The following RPL10 variants were observed in gnomAD, a reference collection of about 807,000 sequenced individuals.
RPL10 encodes large ribosomal subunit protein uL16.
In RPL10, 1 loss-of-function variant was observed where a neutral mutation model predicts 15.7. That is an observed-to-expected ratio of 0.06 (90% CI 0.02 to 0.30). The LOEUF is 0.30. RPL10 is among the 10% of genes least tolerant of loss of function. The probability of loss-of-function intolerance (pLI) is 1.00; values close to 1 mark genes in which losing one functional copy is unlikely to be tolerated. For missense variants in RPL10, 54 were observed against 183.4 expected (o/e 0.29, Z 4.08); for synonymous variants, 59 against 64.0 (o/e 0.92, Z 0.37).
chrX:154,398,650 C>T lies in RPL10; in HGVS notation c.23+108C>T, dbSNP rs946583499. The T allele has an allele frequency of 8.0e-6, 8 of 1,002,129 alleles. No homozygotes were observed. In the African/African-American group the frequency reaches 1.1e-4, roughly 14 times the overall value. The allele number at this position is 1,002,129 out of a possible 1,213,427, so 82.6% of individuals were successfully genotyped here. A position where few individuals can be genotyped will look rare whatever the true frequency, so the allele number is the denominator to read the frequency against. ...GTGGAGCCTCCCCCGTGCGGCGGCC[C>T]TGTCTTGGGAACTGACCCTATGTTT... is the stretch of plus-strand genomic sequence containing the variant. On this transcript the variant is annotated intron_variant, in intron 2 of 6. Transcript: ENST00000369817.
At chrX:154,400,026 C>T (rs1569552276) in intron 5 of RPL10, 85 bp downstream of exon 5, 21 of 1,122,185 alleles carry the variant, frequency 1.9e-5, no homozygotes, top group Admixed American at 7.0e-5. Context: ...AGAGGTGGCC[C>T]CAGTGACTCA....
At chrX:154,398,804 A>C (rs11593) in intron 2 of RPL10, 80,755 of 431,664 alleles carry the variant, frequency 0.19, 11,309 homozygotes, top group African/African-American at 0.77. Context: ...TTCGGGCGCT[A>C]GATACGCTCT....
rs1603370401 is a variant in RPL10 at position 154,401,871 on chromosome X, C to T, written c.*1017C>T. ...ACCATAAATGTGATTATAGTTAACA[C>T]ATGACCCTTCTAGCGTCCCAGCCAG... On this transcript the variant is annotated 3_prime_UTR_variant, in exon 7 of 7. Coordinates refer to ENST00000369817, the MANE Select transcript of RPL10 (RefSeq NM_006013.5). 1 of 111,996 alleles carries T rather than the reference C, an allele frequency of 8.9e-6. No homozygotes were observed. Among genetic ancestry groups the T allele is most frequent in the East Asian group, 2.8e-4 (1 of 3,591 alleles). 9.2% of individuals were successfully genotyped at this position (111,996 alleles called of 1,213,427 possible).
chrX:154,400,357 T>C (rs781789965), intron 5 of RPL10, 107 bp from the exon 6 acceptor site: 1 of 859,482 alleles, frequency 1.2e-6, no homozygotes, highest in South Asian at 2.0e-5. Context: ...GCAGCTTCCT[T>C]GGTAGTGTAC....
intron 2 of RPL10, chrX:154,398,832 TTC>T (rs782753189): frequency 6.4e-4 from 260 of 408,997 alleles, no homozygotes; most frequent in Non-Finnish European, 7.7e-4. Context: ...TTTGTGTGCG[TTC>T]TCTGTCTTAT....
upstream of RPL10, chrX:154,398,238 C>T: frequency 2.0e-6 from 1 of 493,198 alleles, no homozygotes; most frequent in South Asian, 2.4e-5. Context: ...CTGGGCTACG[C>T]CCGGGCGCAA....
At chrX:154,400,270 C>G (rs2068001483) in intron 5 of RPL10, 194 bp from the exon 6 acceptor site, 2 of 588,287 alleles carry the variant, frequency 3.4e-6, no homozygotes, top group Non-Finnish European at 5.9e-6. Flanking sequence ...TTCAGTGGTT[C>G]TTGGGATGCT....
intron 5 of RPL10, 130 bp downstream of exon 5, chrX:154,400,071 G>A (rs2067996473): frequency 1.2e-6 from 1 of 806,153 alleles, no homozygotes; most frequent in Non-Finnish European, 1.9e-6. Flanking sequence ...AGGCTGGCAA[G>A]TGACTTTCAG....
At chrX:154,398,202 G>A (rs1557184723), upstream of RPL10, 2 of 456,427 alleles carry the variant, frequency 4.4e-6, no homozygotes, top group Non-Finnish European at 8.0e-6. Flanking sequence ...CCTGGTACCC[G>A]GTCACCTCTC....
chrX:154,400,184 C>A, intron 5 of RPL10: 1 of 551,595 alleles, frequency 1.8e-6, no homozygotes, highest in Non-Finnish European at 3.2e-6. Flanking sequence ...GGGAGTAGCT[C>A]TTCTTGCTTT....
At chrX:154,398,685 C>T (rs1004428870) in intron 2 of RPL10, 143 bp downstream of exon 2, 37 of 731,378 alleles carry the variant, frequency 5.1e-5, no homozygotes, top group Non-Finnish European at 6.9e-5. Context: ...TTACACCTCC[C>T]GGCTATTTTT....
Position 154,398,388 on chromosome X carries a change from C to T in RPL10, c.-30C>T, listed in dbSNP as rs782405806. ...AGGCGGAGGAGCGCCTCTTTCCCTT[C>T]GGTGTGGTGAGTAAGCGCAGTTGTC... On this transcript the variant is annotated 5_prime_UTR_variant, in exon 1 of 7. Coordinates refer to ENST00000369817, the MANE Select transcript of RPL10 (RefSeq NM_006013.5). The T allele has an allele frequency of 2.1e-5, 17 of 819,229 alleles. No homozygotes were observed. The highest frequency in any genetic ancestry group is 8.8e-5 in the Admixed American group (4 of 45,511). 67.5% of individuals were successfully genotyped at this position (819,229 alleles called of 1,213,427 possible).
In RPL10 at chrX:154,399,120, G is replaced by A. The variant is rs183187512; in HGVS notation, c.24-218G>A. On this transcript the variant is annotated intron_variant, in intron 2 of 6. Coordinates refer to ENST00000369817, the MANE Select transcript of RPL10 (RefSeq NM_006013.5). ...ATAGGAAGCGTAAGACAAAGTAACG[G>A]AAGATGGTGTCTGTTGTTTCTAGTC... Among the ~76,000 whole-genome samples the A allele has an allele frequency of 3.0e-3, 339 of 112,552 alleles. 3 individuals carry two copies. The highest frequency in any genetic ancestry group is 2.8e-3 in the Non-Finnish European group (150 of 53,290).
At chrX:154,398,369 A>G (rs781837630), upstream of RPL10, 1 of 702,950 alleles carries the variant, frequency 1.4e-6, no homozygotes, top group Non-Finnish European at 2.3e-6. Flanking sequence ...GCGCAGGCGG[A>G]GGAGCGCCTC....
At chrX:154,398,563 C>T (rs1379392969) in intron 2 of RPL10, 21 bp downstream of exon 2, 4 of 1,210,676 alleles carry the variant, frequency 3.3e-6, no homozygotes, top group Admixed American at 2.2e-5. Flanking sequence ...AATCCGTGTA[C>T]TTTCACTGCT....
chrX:154,399,951 G>A lies in RPL10; in HGVS notation c.329+10G>A, dbSNP rs1557185506. ...GTGCTGGGGCTGACAGGTGAGCTTG[G>A]TCTGGGCCTTTTAAGGCAGTTGGAG... On this transcript the variant is annotated intron_variant, in intron 5 of 6. Transcript: ENST00000369817. The A allele has an allele frequency of 2.5e-6, 3 of 1,210,195 alleles. No individual in the cohort carries two copies. The highest frequency in any genetic ancestry group is 1.7e-5 in the African/African-American group (1 of 57,283).
In RPL10 at chrX:154,399,616, G is replaced by T. The variant is rs376527381; in HGVS notation, c.190+22G>T. 2 of 1,193,151 alleles carry T rather than the reference G, an allele frequency of 1.7e-6. 1 individual carries two copies. Among genetic ancestry groups the T allele is most frequent in the South Asian group, 3.5e-5 (2 of 56,578 alleles). ...GAAGGTAAGGCAGGATTCTTTGTTC[G>T]TCACCCCCCAGTCCTTCCTCCGTGC... On this transcript the variant is annotated intron_variant, in intron 4 of 6. Coordinates refer to ENST00000369817, the MANE Select transcript of RPL10 (RefSeq NM_006013.5).
In RPL10 at chrX:154,402,198, A is replaced by G. The variant is rs374225000; in HGVS notation, c.*1344A>G. 7.9e-6 allele frequency: 1 copy of G among 125,923 alleles called. No homozygotes were observed. Among genetic ancestry groups the G allele is most frequent in the Admixed American group, 7.9e-5 (1 of 12,660 alleles). The allele number at this position is 125,923 out of a possible 1,213,427, so 10.4% of individuals were successfully genotyped here. A position where few individuals can be genotyped will look rare whatever the true frequency, so the allele number is the denominator to read the frequency against. On this transcript the variant is annotated 3_prime_UTR_variant, in exon 7 of 7. Transcript: ENST00000369817. The stretch of plus-strand genomic sequence containing the variant: ...ATTGTTCACCGGATTATAATGAGCC[A>G]AAATGTTTCCCGGTGTTTGCTGGTT...
chrX:154,398,077 G>C (rs1379289599), upstream of RPL10: 1 of 283,308 alleles, frequency 3.5e-6, no homozygotes, highest in South Asian at 3.5e-5. Flanking sequence ...ATATACGTCT[G>C]TCACAGTTAA....
Sources: gnomAD v4.1 joint callset for allele counts (sites outside exome capture counted in the v4.1 genomes callset) on GRCh38, gnomAD v4.1.1 for gene constraint, MANE v1.5 for transcripts, NCBI Gene and HGNC (gene_info 2026-07-23, HGNC 2026-07-21) for gene names.